Variants in ABTB2 observed in about 807,000 individuals in gnomAD.
The protein encoded by ABTB2 is ankyrin repeat and BTB/POZ domain-containing protein 2.
Under a neutral mutation model 104.1 loss-of-function variants are expected in ABTB2, and 56 were observed. That is an observed-to-expected ratio of 0.54 (90% CI 0.43 to 0.67). The LOEUF (loss-of-function observed/expected upper bound fraction) is 0.67. ABTB2 is among the 30% of genes least tolerant of loss of function. The pLI is 0.00. For synonymous variants in ABTB2, 606 were observed against 608.2 expected, an observed-to-expected ratio of 1.00 and a Z score of 0.05; for missense variants, 1,279 against 1,407.7, an observed-to-expected ratio of 0.91 and a Z score of 1.46.
At chr11:34,323,647 A>C (rs1855031868) in intron 1 of ABTB2, among the ~76,000 whole-genome samples, 1 of 152,122 alleles carries the variant, frequency 6.6e-6, no homozygotes, top group African/African-American at 2.4e-5. Flanking sequence ...CAATACAGTT[A>C]TCACTATGTG....
intron 3 of ABTB2, among the ~76,000 whole-genome samples, chr11:34,181,557 CAGG>C (rs1853027105): frequency 6.6e-6 from 1 of 152,194 alleles, no homozygotes; most frequent in Non-Finnish European, 1.5e-5. Context: ...TCCATCCACC[CAGG>C]AGGAGCTGAA....
intron 1 of ABTB2, among the ~76,000 whole-genome samples, chr11:34,290,617 G>A (rs1047518058): frequency 2.6e-5 from 4 of 152,166 alleles, no homozygotes; most frequent in African/African-American, 9.7e-5. Context: ...TGAGGTGGGA[G>A]GATTGCCTGA....
chr11:34,357,415 A>G lies in ABTB2; in HGVS notation c.169T>C (p.Tyr57His), dbSNP rs566519784. ...TGGCGGCTGTTCATGGAGCCGGAGT[A>G]GCACCACCAGGCCGCCCCGCGGTGC... Reference protein sequence around the residue: ...QQHRGAAWWCYSGSMNSRHNS... With the variant: ...QQHRGAAWWCHSGSMNSRHNS... Residue 57 changes from tyrosine to histidine, a missense_variant, in exon 1 of 17, where the codon TAC (tyrosine) becomes CAC (histidine). Coordinates refer to ENST00000435224, the MANE Select transcript of ABTB2 (RefSeq NM_145804.3). The G allele has an allele frequency of 3.2e-5, 49 of 1,548,866 alleles. No homozygotes were observed. In the South Asian group the frequency reaches 4.4e-4, roughly 14 times the overall value.
At chr11:34,178,349 G>T (rs1264535450) in intron 3 of ABTB2, among the ~76,000 whole-genome samples, 2 of 152,220 alleles carry the variant, frequency 1.3e-5, no homozygotes, top group Non-Finnish European at 2.9e-5. Context: ...TCCATGGGCT[G>T]TGGGTTCCAG....
rs1180110121 is a variant in ABTB2 at position 34,154,384 on chromosome 11, A to G, written c.2767-6T>C. ...AGGCTGGCAGCTGACAGCAGCTGGT[A>G]GGGAGGCAGAGCAGGTCTTGGGGAC... is the stretch of plus-strand genomic sequence containing the variant. On this transcript the variant is annotated splice_region_variant and splice_polypyrimidine_tract_variant and intron_variant, in intron 15 of 16. Transcript: ENST00000435224. This position sits in a 1 kb window ranked among gnomAD's most constrained non-coding sequence, Gnocchi z 4.9. 6.2e-7 allele frequency: 1 copy of G among 1,605,026 alleles called. No homozygotes were observed. The highest frequency in any genetic ancestry group is 1.7e-5 in the Admixed American group (1 of 59,716).
chr11:34,335,632 C>T, intron 1 of ABTB2: 4 of 1,488,616 alleles, frequency 2.7e-6, no homozygotes, highest in Non-Finnish European at 3.7e-6. Flanking sequence ...TGCATCATTA[C>T]CCTGAAATTC....
intron 1 of ABTB2, among the ~76,000 whole-genome samples, chr11:34,214,138 A>AC (rs1442250045): frequency 0.01 from 1,238 of 123,260 alleles, 15 homozygotes; most frequent in African/African-American, 0.034. Context: ...AGCACATTCA[A>AC]AACACACACA....
At chr11:34,156,770 C>T (rs1044010916) in intron 14 of ABTB2, among the ~76,000 whole-genome samples, 1 of 152,130 alleles carries the variant, frequency 6.6e-6, no homozygotes, top group African/African-American at 2.4e-5. Context: ...GTGATCTGCC[C>T]ACCTCGGCCT....
In ABTB2 at chr11:34,159,373, T is replaced by G. The variant is rs1852674977; in HGVS notation, c.2620A>C (p.Met874Leu). Residue 874 changes from methionine (M) to leucine (L), a missense_variant, in exon 14 of 17, where the codon ATG (methionine) becomes CTG (leucine). Coordinates refer to ENST00000435224, the MANE Select transcript of ABTB2 (RefSeq NM_145804.3). ...VTASNRFKTLMTNKSEQDGDS... is the reference protein window; with the variant it reads ...VTASNRFKTLLTNKSEQDGDS... ...CCATCCTGTTCTGATTTATTGGTCATTAGTGTCTTGAACCTGGAGCAAAGG... is the reference window on the plus strand; with the variant it reads ...CCATCCTGTTCTGATTTATTGGTCAGTAGTGTCTTGAACCTGGAGCAAAGG... 5 of 1,613,510 alleles carry G rather than the reference T, an allele frequency of 3.1e-6. No individual in the cohort carries two copies.
At chr11:34,237,246 G>A (rs1251689508) in intron 1 of ABTB2, among the ~76,000 whole-genome samples, 5 of 151,216 alleles carry the variant, frequency 3.3e-5, no homozygotes, top group African/African-American at 4.9e-5. Context: ...TGATTACCAC[G>A]GCTGTGTCCT....
At chr11:34,155,202 G>A (rs931382658) in intron 14 of ABTB2, among the ~76,000 whole-genome samples, 24 of 152,250 alleles carry the variant, frequency 1.6e-4, no homozygotes, top group Non-Finnish European at 3.4e-4. Flanking sequence ...ATTCTACACA[G>A]GGAGTAGCAG....
At position 34,152,201 on chromosome 11, in the gene ABTB2, G is replaced by A. The variant is rs1565124620; in HGVS notation, c.*186C>T. 1.1e-5 allele frequency: 7 copies of A among 652,780 alleles called. No individual in the cohort carries two copies. Among genetic ancestry groups the A allele is most frequent in the Non-Finnish European group, 1.8e-5 (7 of 387,394 alleles). 40.4% of individuals were successfully genotyped at this position (652,780 alleles called of 1,614,324 possible). ...CTACATCTCCCCTTTGCCCATCAGT[G>A]ATTGAACAAACAGCTCTAGGGCAGA... On this transcript the variant is annotated 3_prime_UTR_variant, in exon 17 of 17. Coordinates refer to ENST00000435224, the MANE Select transcript of ABTB2 (RefSeq NM_145804.3).
intron 1 of ABTB2, among the ~76,000 whole-genome samples, chr11:34,224,087 C>T (rs1288384685): frequency 6.6e-6 from 1 of 152,108 alleles, no homozygotes; most frequent in East Asian, 1.9e-4. Context: ...GGCTGGAATG[C>T]TTTGGCACAA....
At chr11:34,238,786 C>T (rs1309884235) in intron 1 of ABTB2, among the ~76,000 whole-genome samples, 2 of 152,118 alleles carry the variant, frequency 1.3e-5, no homozygotes, top group African/African-American at 2.4e-5. Flanking sequence ...CGGAGTCTCA[C>T]TCTGTCGCCG....
intron 1 of ABTB2, among the ~76,000 whole-genome samples, chr11:34,342,042 G>A (rs1449200944): frequency 6.6e-6 from 1 of 152,192 alleles, no homozygotes; most frequent in African/African-American, 2.4e-5. Context: ...GAAAAAGCCA[G>A]AAGGGTAAAC....
At chr11:34,167,847 T>C in intron 6 of ABTB2, 56 bp downstream of exon 6, 1 of 1,575,148 alleles carries the variant, frequency 6.3e-7, no homozygotes, top group South Asian at 1.1e-5. Context: ...GTTGGAGCCC[T>C]CGGAGTGATC....
intron 1 of ABTB2, among the ~76,000 whole-genome samples, chr11:34,325,749 G>A (rs963534143): frequency 1.3e-5 from 2 of 151,772 alleles, no homozygotes; most frequent in African/African-American, 4.8e-5. Flanking sequence ...CCAGGAGTTC[G>A]AGACCAGCCT....
intron 1 of ABTB2, among the ~76,000 whole-genome samples, chr11:34,220,459 G>C (rs1297888512): frequency 6.6e-6 from 1 of 152,216 alleles, no homozygotes; most frequent in Non-Finnish European, 1.5e-5. Flanking sequence ...GGGATAATCA[G>C]CTCTCTGGCT....
rs1256035872 is a variant in ABTB2, at chr11:34,252,925, C to A, written c.884-48235G>T. Reference sequence around the variant, plus strand: ...TCAGGGCCCGATTCCACCCCTCCACCCCCAGGAGGAAGAGCTGCTTTGGCA... The same window carrying A: ...TCAGGGCCCGATTCCACCCCTCCACACCCAGGAGGAAGAGCTGCTTTGGCA... On this transcript the variant is annotated intron_variant, in intron 1 of 16. Coordinates refer to ENST00000435224, the MANE Select transcript of ABTB2 (RefSeq NM_145804.3). This position sits in a 1 kb window ranked among gnomAD's most constrained non-coding sequence, Gnocchi z 5.5. Among the ~76,000 whole-genome samples the A allele has an allele frequency of 6.6e-6, 1 of 152,080 alleles. No homozygotes were observed. The highest frequency in any genetic ancestry group is 6.6e-5 in the Admixed American group (1 of 15,264).
Sources: gnomAD v4.1 joint callset for allele counts (sites outside exome capture counted in the v4.1 genomes callset) on GRCh38, gnomAD v4.1.1 for gene constraint, Gnocchi (gnomAD v3.1) non-coding constraint, MANE v1.5 for transcripts, NCBI Gene and HGNC (gene_info 2026-07-23, HGNC 2026-07-21) for gene names.